WWOX: variants seen among roughly 807,000 people sequenced by gnomAD.
The protein encoded by WWOX is WW domain-containing oxidoreductase.
A neutral mutation model predicts 46.2 loss-of-function variants in WWOX; 69 were observed. The ratio of observed to expected loss-of-function variants is 1.49; its 90% CI spans 1.23 to 1.82. The LOEUF is 1.82. WWOX is among the 40% of genes most tolerant of loss of function. The probability of loss-of-function intolerance (pLI) is 0.00; values close to 1 mark genes in which losing one functional copy is unlikely to be tolerated. For missense variants in WWOX, 919 were observed against 542.6 expected (o/e 1.69, Z -6.89); for synonymous variants, 359 against 202.6 (o/e 1.77, Z -6.56).
At chr16:78,444,047 T>C (rs1412272691) in intron 8 of WWOX, among the ~76,000 whole-genome samples, 1 of 152,146 alleles carries the variant, frequency 6.6e-6, no homozygotes, top group Non-Finnish European at 1.5e-5. Flanking sequence ...TAAGGTAATG[T>C]TTTCCTAGCA....
intron 8 of WWOX, among the ~76,000 whole-genome samples, chr16:79,138,826 G>GA (rs749816663): frequency 4.5e-4 from 68 of 152,320 alleles, no homozygotes; most frequent in South Asian, 8.3e-4. Context: ...GGACTCACCA[G>GA]ATGTGGCAGG....
At chr16:78,569,723 T>A (rs2044666044) in intron 8 of WWOX, among the ~76,000 whole-genome samples, 1 of 152,230 alleles carries the variant, frequency 6.6e-6, no homozygotes, top group Non-Finnish European at 1.5e-5. Context: ...ACTAATTTCA[T>A]TAGTGAACGT....
At chr16:78,474,133 C>A (rs1042286273) in intron 8 of WWOX, among the ~76,000 whole-genome samples, 1 of 152,220 alleles carries the variant, frequency 6.6e-6, no homozygotes, top group Non-Finnish European at 1.5e-5. Flanking sequence ...ATGACTGTTA[C>A]ACGTTTATGG....
intron 8 of WWOX, among the ~76,000 whole-genome samples, chr16:78,922,162 G>C (rs745902267): frequency 1.3e-5 from 2 of 152,048 alleles, no homozygotes; most frequent in Non-Finnish European, 2.9e-5. Flanking sequence ...CCACATATTT[G>C]ATCTCAGCCT....
chr16:78,682,309 T>C (rs2047748374), intron 8 of WWOX, among the ~76,000 whole-genome samples: 1 of 152,204 alleles, frequency 6.6e-6, no homozygotes, highest in Non-Finnish European at 1.5e-5. Flanking sequence ...GGTAGTTTAA[T>C]AGTTTAAGTA....
At chr16:78,698,385 G>C (rs1471108927) in intron 8 of WWOX, among the ~76,000 whole-genome samples, 2 of 152,162 alleles carry the variant, frequency 1.3e-5, no homozygotes, top group African/African-American at 4.8e-5. Flanking sequence ...CAGAGGTTTC[G>C]CTACATTTTG....
intron 8 of WWOX, among the ~76,000 whole-genome samples, chr16:79,166,557 A>T (rs941500046): frequency 6.6e-6 from 1 of 152,192 alleles, no homozygotes; most frequent in Non-Finnish European, 1.5e-5. Context: ...CACAATTGTT[A>T]GGTAGCTAAC....
At chr16:78,673,648 A>C (rs984025207) in intron 8 of WWOX, among the ~76,000 whole-genome samples, 3 of 152,212 alleles carry the variant, frequency 2.0e-5, no homozygotes, top group African/African-American at 7.2e-5. Flanking sequence ...ATTAGATCAT[A>C]AATTTGGAGC....
At chr16:78,965,746 G>GT (rs2046352507) in intron 8 of WWOX, among the ~76,000 whole-genome samples, 1 of 152,090 alleles carries the variant, frequency 6.6e-6, no homozygotes, top group Admixed American at 6.6e-5. Flanking sequence ...CATTTAAGCA[G>GT]CAACCTCTGC....
chr16:78,644,602 C>T (rs1412674740), intron 8 of WWOX, among the ~76,000 whole-genome samples: 1 of 152,104 alleles, frequency 6.6e-6, no homozygotes, highest in Non-Finnish European at 1.5e-5. Context: ...CCTGGGATTA[C>T]AGGAGCCTGC....
At chr16:78,385,563 A>T (rs2082044384) in intron 5 of WWOX, among the ~76,000 whole-genome samples, 1 of 152,152 alleles carries the variant, frequency 6.6e-6, no homozygotes, top group African/African-American at 2.4e-5. Flanking sequence ...CTCAAAGCTT[A>T]GGACTTGGAT....
At chr16:78,819,176 C>G (rs113286801) in intron 8 of WWOX, among the ~76,000 whole-genome samples, 6,659 of 152,292 alleles carry the variant, frequency 0.044, 187 homozygotes, top group Non-Finnish European at 0.063. Flanking sequence ...TGGATCTTCT[C>G]AGCCCCATCA....
chr16:78,662,248 A>G lies in WWOX; in HGVS notation c.1056+229496A>G, dbSNP rs553293841. On this transcript the variant is annotated intron_variant, in intron 8 of 8. Transcript: ENST00000566780. ...AGGCCAGATCTTAGAACCTCCTGCT[A>G]TCTGTACATAGAAGAATGTTTTAGT... 1.9e-4 allele frequency among the ~76,000 whole-genome samples: 29 copies of G among 152,286 alleles called. 1 individual carries two copies. In the South Asian group the frequency reaches 5.6e-3, roughly 29 times the overall value.
chr16:78,262,829 A>G (rs2079275587), intron 5 of WWOX, among the ~76,000 whole-genome samples: 1 of 152,150 alleles, frequency 6.6e-6, no homozygotes. Flanking sequence ...AGAAAAAGTC[A>G]TTCTTAGATG....
At chr16:78,999,436 C>G (rs2047051940) in intron 8 of WWOX, among the ~76,000 whole-genome samples, 2 of 152,268 alleles carry the variant, frequency 1.3e-5, no homozygotes, top group Middle Eastern at 3.4e-3. Flanking sequence ...CACCATTGCA[C>G]TCCAGCCTGG....
Position 78,606,718 on chromosome 16 carries a change from G to GTTT in WWOX, c.1056+173988_1056+173990dup, listed in dbSNP as rs59612285. ...GAAAGGGCATTTCCCCAGAATTGCA[G>GTTT]TTTTTTTTTTTTTTTTTTTTTTTTA... On this transcript the variant is annotated intron_variant, in intron 8 of 8. Transcript: ENST00000566780. Among the ~76,000 whole-genome samples, 548 of 121,036 alleles carry GTTT rather than the reference G, an allele frequency of 4.5e-3. 13 individuals are homozygous for GTTT. The highest frequency in any genetic ancestry group is 0.018 in the African/African-American group (519 of 29,324). 79.4% of individuals were successfully genotyped at this position (121,036 alleles called of 152,430 possible). A position where few individuals can be genotyped will look rare whatever the true frequency, so the allele number is the denominator to read the frequency against.
chr16:78,220,094 T>C (rs917775566), intron 5 of WWOX, among the ~76,000 whole-genome samples: 1 of 151,872 alleles, frequency 6.6e-6, no homozygotes, highest in African/African-American at 2.4e-5. Context: ...GCTGAATGAT[T>C]GTGAATGATT....
chr16:78,529,651 T>G (rs905941107), intron 8 of WWOX, among the ~76,000 whole-genome samples: 1 of 151,900 alleles, frequency 6.6e-6, no homozygotes, highest in Non-Finnish European at 1.5e-5. Context: ...TTATTTTTAG[T>G]AGAGATGGGG....
intron 8 of WWOX, among the ~76,000 whole-genome samples, chr16:78,736,922 A>C (rs1046843854): frequency 6.6e-6 from 1 of 151,924 alleles, no homozygotes; most frequent in Non-Finnish European, 1.5e-5. Flanking sequence ...AATGGTTTTC[A>C]TATAGCTATT....
Sources: allele counts gnomAD v4.1 joint callset (sites outside exome capture counted in the v4.1 genomes callset), GRCh38; gene constraint gnomAD v4.1.1; transcripts MANE v1.5; gene names NCBI Gene and HGNC (gene_info 2026-07-23, HGNC 2026-07-21).